SMURF1: variants seen among roughly 807,000 people sequenced by gnomAD.
SMURF1 encodes SMAD specific E3 ubiquitin protein ligase 1, also known as E3 ubiquitin-protein ligase SMURF1.
Under a neutral mutation model 98.0 loss-of-function variants are expected in SMURF1, and 44 were observed. The observed-to-expected ratio is 0.45, with a 90% CI of 0.35 to 0.58. The LOEUF is 0.58. Ranked by LOEUF, SMURF1 falls within the 20% of genes least tolerant of loss-of-function variation. The pLI, the probability that SMURF1 is intolerant of heterozygous loss-of-function variation, is 0.00. For synonymous variants in SMURF1, 396 were observed against 374.9 expected (o/e 1.06, Z -0.65); for missense variants, 687 against 938.4 (o/e 0.73, Z 3.50).
chr7:99,075,402 T>C (rs1487924808), intron 1 of SMURF1, among the ~76,000 whole-genome samples: 3 of 152,158 alleles, frequency 2.0e-5, no homozygotes, highest in Non-Finnish European at 4.4e-5. Context: ...GATTACAGGA[T>C]TACAGGCCTC....
At position 99,047,792 on chromosome 7, in the gene SMURF1, G is replaced by T; in HGVS notation, c.1044C>A (p.Tyr348Ter). ...LEDEELPAQRYERDLVQKLKV... is the reference protein window; with the variant it reads ...LEDEELPAQR ...TCAGCTTCTGGACTAGATCTCTTTC[G>T]TATCTCTGGGCAGGAAGCTCCTCGT... Residue 348 changes from tyrosine (Y) to a stop codon, truncating the protein, a stop_gained, in exon 10 of 18, where the codon TAC (tyrosine) becomes TAA (stop). Transcript: ENST00000361368. LOFTEE classifies it high-confidence loss of function. 6.2e-7 allele frequency: 1 copy of T among 1,614,178 alleles called. No individual in the cohort carries two copies. The highest frequency in any genetic ancestry group is 8.5e-7 in the Non-Finnish European group (1 of 1,180,046).
chr7:99,057,242 G>T lies in SMURF1; in HGVS notation c.366C>A (p.Asn122Lys). 1.2e-6 allele frequency: 2 copies of T among 1,614,024 alleles called. No individual in the cohort carries two copies. Among genetic ancestry groups the T allele is most frequent in the Non-Finnish European group, 1.7e-6 (2 of 1,179,974 alleles). The change falls in exon 5 of 18, where the codon AAC becomes AAA. Residue 122 changes from asparagine (N) to lysine (K), a missense_variant. Asn to Lys is a moderately conservative substitution (Grantham distance 94). Around this residue, in one of 2 missense-constraint regions of SMURF1, gnomAD observed 415 missense variants for 508.4 expected, o/e 0.82. Transcript: ENST00000361368. Reference sequence around the variant, plus strand: ...CACGAACTGCATCAGTATCTGAGGGGTTTAGTTTGCATAGATCCAAACGCT... The same window carrying T: ...CACGAACTGCATCAGTATCTGAGGGTTTTAGTTTGCATAGATCCAAACGCT... ...GYQRLDLCKL[N>K]PSDTDAVRGQ...
chr7:99,047,464 C>G (rs922368516), intron 10 of SMURF1, among the ~76,000 whole-genome samples: 6 of 152,210 alleles, frequency 3.9e-5, no homozygotes, highest in Admixed American at 6.5e-5. Context: ...TTCCCTCCCT[C>G]TAGACAGGCT....
intron 1 of SMURF1, among the ~76,000 whole-genome samples, chr7:99,073,405 A>G (rs7810735): frequency 0.39 from 58,122 of 147,248 alleles, 14,277 homozygotes; most frequent in Non-Finnish European, 0.55. Flanking sequence ...AAAATTTGTC[A>G]CAACATTAAA....
At chr7:99,035,212 C>T (rs951506448) in intron 16 of SMURF1, among the ~76,000 whole-genome samples, 10 of 152,204 alleles carry the variant, frequency 6.6e-5, no homozygotes, top group African/African-American at 2.4e-4. Flanking sequence ...AAGCTGGCCT[C>T]ACAGACACTC....
At chr7:99,121,501 GAA>G (rs536426981) in intron 1 of SMURF1, among the ~76,000 whole-genome samples, 2 of 152,146 alleles carry the variant, frequency 1.3e-5, no homozygotes, top group Non-Finnish European at 2.9e-5. Flanking sequence ...CTGTGTAAAA[GAA>G]AAGAGAGTGA....
rs1192987000 is a variant in SMURF1, at chr7:99,045,760, C to T, written c.1194G>A (p.Leu398=). ...RQIMKMRPKD[L]KKRLMVKFRG... is the part of the protein sequence containing the mutation. ...GGAATTTCACCATCAGCCGTTTTTT[C>T]AAGTCTTTCGGTCGCATCTTCATTA... is the stretch of plus-strand genomic sequence containing the variant. The change falls in exon 11 of 18, where the codon TTG becomes TTA. Residue 398 remains leucine (L), a synonymous_variant. Coordinates refer to ENST00000361368, the MANE Select transcript of SMURF1 (RefSeq NM_181349.3). The T allele has an allele frequency of 3.7e-6, 6 of 1,614,238 alleles. No homozygotes were observed. The South Asian group carries it at 4.4e-5, about 12-fold the overall frequency.
intron 1 of SMURF1, among the ~76,000 whole-genome samples, chr7:99,119,000 C>G (rs546365136): frequency 8.0e-6 from 1 of 124,816 alleles, no homozygotes; most frequent in Non-Finnish European, 1.6e-5. Flanking sequence ...AGCTAACATG[C>G]CAATTTTTTT....
intron 1 of SMURF1, among the ~76,000 whole-genome samples, chr7:99,091,297 A>C (rs1796805375): frequency 6.6e-6 from 1 of 152,232 alleles, no homozygotes; most frequent in Non-Finnish European, 1.5e-5. Flanking sequence ...AAATTCATGC[A>C]ATGCATACCC....
At chr7:99,095,109 TCA>T (rs1187454209) in intron 1 of SMURF1, among the ~76,000 whole-genome samples, 2 of 151,898 alleles carry the variant, frequency 1.3e-5, no homozygotes, top group East Asian at 3.9e-4. Context: ...AGATGGAGTC[TCA>T]CTCTGTCACC....
chr7:99,027,719 G>A lies in SMURF1; in HGVS notation c.*2865C>T, dbSNP rs1260749672. 2 of 152,596 alleles carry A rather than the reference G, an allele frequency of 1.3e-5. No homozygotes were observed. The highest frequency in any genetic ancestry group is 2.9e-5 in the Non-Finnish European group (2 of 68,040). The allele number at this position is 152,596 out of a possible 1,614,324, so 9.5% of individuals were successfully genotyped here. ...AAATTAAAAAATACGTTATAAAGTG[G>A]TTGAGAAACAAAAATAAACACATTT... On this transcript the variant is annotated 3_prime_UTR_variant, in exon 18 of 18. Coordinates refer to ENST00000361368, the MANE Select transcript of SMURF1 (RefSeq NM_181349.3).
Position 99,061,857 on chromosome 7 carries a change from A to G in SMURF1, c.56-20T>C, listed in dbSNP as rs750928176. ...ATAACACTAAAAACAAAGAAAAATT[A>G]CTCAGGTTAGCATTAAAGACGAGAT... On this transcript the variant is annotated intron_variant, in intron 1 of 17. Transcript: ENST00000361368. 6.3e-7 allele frequency: 1 copy of G among 1,590,658 alleles called. No homozygotes were observed. The highest frequency in any genetic ancestry group is 8.6e-7 in the Non-Finnish European group (1 of 1,167,122).
chr7:99,093,062 A>C (rs12705021), intron 1 of SMURF1, among the ~76,000 whole-genome samples: 116,202 of 151,958 alleles, frequency 0.76, 47,193 homozygotes, highest in South Asian at 0.94. Flanking sequence ...CCCATAGCCT[A>C]TATCACACCA....
chr7:99,106,286 C>A (rs1253242245), intron 1 of SMURF1, among the ~76,000 whole-genome samples: 1 of 152,146 alleles, frequency 6.6e-6, no homozygotes, highest in Non-Finnish European at 1.5e-5. Context: ...AGGAGGCAAA[C>A]TGGAAAATAT....
At chr7:99,075,139 A>G (rs1219241529) in intron 1 of SMURF1, among the ~76,000 whole-genome samples, 1 of 152,162 alleles carries the variant, frequency 6.6e-6, no homozygotes, top group African/African-American at 2.4e-5. Context: ...TTATTTTGAG[A>G]CAGGGTCTAC....
chr7:99,068,111 C>G (rs1696243278), intron 1 of SMURF1, among the ~76,000 whole-genome samples: 1 of 152,084 alleles, frequency 6.6e-6, no homozygotes, highest in Admixed American at 6.6e-5. Flanking sequence ...AATGTTATTC[C>G]TCTCTTCTTC....
intron 1 of SMURF1, among the ~76,000 whole-genome samples, chr7:99,086,929 C>G (rs1457140931): frequency 1.3e-5 from 2 of 152,140 alleles, no homozygotes; most frequent in African/African-American, 4.8e-5. Context: ...TAGGGAGTGA[C>G]TGCTGAAATA....
intron 1 of SMURF1, among the ~76,000 whole-genome samples, chr7:99,109,068 T>C (rs7796860): frequency 0.13 from 19,960 of 152,194 alleles, 2,818 homozygotes; most frequent in African/African-American, 0.35. Flanking sequence ...TTCACCAACT[T>C]ACCTAGGTTT....
rs1362222983 is a variant in SMURF1 at position 99,104,678 on chromosome 7, C to T, written c.55+39048G>A. The stretch of plus-strand genomic sequence containing the variant: ...AAATGTTTAAGGGCTGCAATTATTC[C>T]GATACATGGCTGTTCCATAATGTAT... On this transcript the variant is annotated intron_variant, in intron 1 of 17. Coordinates refer to ENST00000361368, the MANE Select transcript of SMURF1 (RefSeq NM_181349.3). Among the ~76,000 whole-genome samples the T allele has an allele frequency of 4.6e-5, 7 of 152,258 alleles. No homozygotes were observed. The East Asian group carries it at 7.7e-4, about 17-fold the overall frequency.
Sources: allele counts gnomAD v4.1 joint callset (sites outside exome capture counted in the v4.1 genomes callset), GRCh38; gene constraint gnomAD v4.1.1; regional missense constraint gnomAD v4.1.1; transcripts MANE v1.5; gene names NCBI Gene and HGNC (gene_info 2026-07-23, HGNC 2026-07-21).